The following CPXCR1 variants were observed in gnomAD, a reference collection of about 807,000 sequenced individuals.
The protein encoded by CPXCR1 is CPX chromosomal region candidate gene 1 protein.
In CPXCR1, 15 loss-of-function variants were observed where a neutral mutation model predicts 13.8. The observed-to-expected ratio is 1.09, with a 90% confidence interval of 0.73 to 1.67. The LOEUF (loss-of-function observed/expected upper bound fraction) is 1.67. Ranked by LOEUF, CPXCR1 falls within the 40% of genes most tolerant of loss-of-function variation. The pLI, the probability that CPXCR1 is intolerant of heterozygous loss-of-function variation, is 0.00. For synonymous variants in CPXCR1, 70 were observed against 76.7 expected (o/e 0.91, Z 0.46); for missense variants, 247 against 223.6 (o/e 1.10, Z -0.67).
chrX:88,748,971 C>A (rs1924848136), intron 1 of CPXCR1, among the ~76,000 whole-genome samples: 2 of 106,545 alleles, frequency 1.9e-5, no homozygotes, highest in Admixed American at 2.1e-4. Flanking sequence ...GGTACATGTG[C>A]ACAACATAAA....
chrX:88,753,951 A>G lies in CPXCR1; in HGVS notation c.537A>G (p.Ala179=), dbSNP rs1239105646. The change falls in exon 3 of 3, where the codon GCA becomes GCG. Residue 179 remains alanine, a synonymous_variant. Coordinates refer to ENST00000276127, the MANE Select transcript of CPXCR1 (RefSeq NM_033048.6). ...TGTGGGTAAAGCGAAAATATATAGC[A>G]TGTCTTTACCATCCAAATAGTTTCA... ...NTMWVKRKYI[A]CLYHPNSFTH... 3 of 1,210,400 alleles carry G rather than the reference A, an allele frequency of 2.5e-6. No individual in the cohort carries two copies. The highest frequency in any genetic ancestry group is 3.4e-6 in the Non-Finnish European group (3 of 894,566).
In CPXCR1 at chrX:88,753,666, T is replaced by C; in HGVS notation, c.252T>C (p.Asp84=). ...TCCAAAAAGATCAACGAGAAGAAGA[T>C]CTAAAAGAAGAGCTTCTTCTACTTC... ...TEIQKDQREE[D]LKEELLLLQT... Residue 84 remains aspartate, a synonymous_variant, in exon 3 of 3, where the codon GAT becomes GAC. Transcript: ENST00000276127. The C allele has an allele frequency of 8.3e-7, 1 of 1,209,485 alleles. No homozygotes were observed. Among genetic ancestry groups the C allele is most frequent in the Admixed American group, 2.2e-5 (1 of 45,678 alleles).
In CPXCR1 at chrX:88,754,052, C is replaced by T. The variant is rs1925008071; in HGVS notation, c.638C>T (p.Thr213Ile). The T allele has an allele frequency of 8.3e-7, 1 of 1,209,010 alleles. No individual in the cohort carries two copies. Among genetic ancestry groups the T allele is most frequent in the African/African-American group, 1.8e-5 (1 of 57,012 alleles). The change falls in exon 3 of 3, where the codon ACA (threonine) becomes ATA (isoleucine). Residue 213 changes from threonine to isoleucine, a missense_variant. Physicochemically the swap from Thr to Ile is moderately conservative, Grantham distance 89. Coordinates refer to ENST00000276127, the MANE Select transcript of CPXCR1 (RefSeq NM_033048.6). The part of the protein sequence containing the change: ...HYYRPLTERM[T>I]SGKFCKSTDT... Reference sequence around the variant, plus strand: ...TACCGTCCCCTCACTGAGAGAATGACATCAGGAAAATTTTGCAAATCAACT... The same window carrying T: ...TACCGTCCCCTCACTGAGAGAATGATATCAGGAAAATTTTGCAAATCAACT...
In CPXCR1 at chrX:88,749,744, A is replaced by G. The variant is rs192238030; in HGVS notation, c.-9+321A>G. Among the ~76,000 whole-genome samples, 17 of 110,146 alleles carry G rather than the reference A, an allele frequency of 1.5e-4. No individual in the cohort carries two copies. The East Asian group carries it at 4.8e-3, about 31-fold the overall frequency. On this transcript the variant is annotated intron_variant, in intron 2 of 2. Coordinates refer to ENST00000276127, the MANE Select transcript of CPXCR1 (RefSeq NM_033048.6). The stretch of plus-strand genomic sequence containing the variant: ...TAAGTAAAATAAAGATAAATAAAGC[A>G]GGATAAGAAAGTATCACATAGTAAC...
chrX:88,752,649 C>A (rs928803176), intron 2 of CPXCR1, among the ~76,000 whole-genome samples: 5 of 110,070 alleles, frequency 4.5e-5, no homozygotes, highest in African/African-American at 1.3e-4. Context: ...TGGGTTCCAG[C>A]GATTCTCCTG....
At chrX:88,748,487 A>T (rs1268626763) in intron 1 of CPXCR1, among the ~76,000 whole-genome samples, 2 of 110,501 alleles carry the variant, frequency 1.8e-5, no homozygotes, top group Non-Finnish European at 3.8e-5. Context: ...AAAAAAAAAG[A>T]TTAAATAAGA....
rs777484762 is a variant in CPXCR1, at chrX:88,753,530, A to T, written c.116A>T (p.Asn39Ile). 5.0e-6 allele frequency: 6 copies of T among 1,208,256 alleles called. No individual in the cohort carries two copies. The highest frequency in any genetic ancestry group is 6.7e-6 in the Non-Finnish European group (6 of 893,490). ...ATAGAGTCTCCATCTGCTGATCCCA[A>T]TATGATCTATCAGGTAGAAACCAAC... Reference protein sequence around the residue: ...TDIESPSADPNMIYQVETNPI... With the variant: ...TDIESPSADPIMIYQVETNPI... Residue 39 changes from asparagine (N) to isoleucine (I), a missense_variant, in exon 3 of 3, where the codon AAT becomes ATT. Asn to Ile is a moderately radical substitution (Grantham distance 149, BLOSUM62 -3). Coordinates refer to ENST00000276127, the MANE Select transcript of CPXCR1 (RefSeq NM_033048.6).
chrX:88,753,464 A>C lies in CPXCR1; in HGVS notation c.50A>C (p.Lys17Thr). ...AGTGATACAGCTGGAAATGCTCACA[A>C]AAATTCTGAAAATGAGCCTCCTAAT... ...EGSDTAGNAH[K>T]NSENEPPNDC... Residue 17 changes from lysine to threonine, a missense_variant, in exon 3 of 3, where the codon AAA becomes ACA. Lys to Thr is a moderately conservative substitution (Grantham distance 78). Coordinates refer to ENST00000276127, the MANE Select transcript of CPXCR1 (RefSeq NM_033048.6). 9.5e-6 allele frequency: 11 copies of C among 1,160,895 alleles called. No individual in the cohort carries two copies. Among genetic ancestry groups the C allele is most frequent in the Non-Finnish European group, 1.3e-5 (11 of 870,269 alleles).
At chrX:88,749,962 TAAGGA>T (rs1299918196) in intron 2 of CPXCR1, among the ~76,000 whole-genome samples, 6 of 109,608 alleles carry the variant, frequency 5.5e-5, no homozygotes, top group Non-Finnish European at 9.5e-5. Context: ...CTTATCAGCT[TAAGGA>T]GATTTTGAGC....
At chrX:88,752,898 G>C (rs982282311) in intron 2 of CPXCR1, among the ~76,000 whole-genome samples, 1 of 110,980 alleles carries the variant, frequency 9.0e-6, no homozygotes, top group Admixed American at 9.7e-5. Flanking sequence ...AAATTACAGG[G>C]GAAGAACGGC....
chrX:88,751,848 G>A (rs146591004), intron 2 of CPXCR1, among the ~76,000 whole-genome samples: 1 of 111,465 alleles, frequency 9.0e-6, no homozygotes, highest in Non-Finnish European at 1.9e-5. Flanking sequence ...TAGGGGAGAT[G>A]GAGTCAGATT....
rs1490086729 is a variant in CPXCR1 at position 88,754,725 on chromosome X, A to G, written c.*405A>G. The G allele has an allele frequency of 1.5e-5, 2 of 129,300 alleles. No individual in the cohort carries two copies. Among genetic ancestry groups the G allele is most frequent in the Non-Finnish European group, 3.5e-5 (2 of 57,546 alleles). 10.7% of individuals were successfully genotyped at this position (129,300 alleles called of 1,213,427 possible). On this transcript the variant is annotated 3_prime_UTR_variant, in exon 3 of 3. Transcript: ENST00000276127. ...ACCAAGTGTTTCCAGAGATTCTGCTACATGTATTATCTGAAATGTTCTCCA... is the reference window on the plus strand; with the variant it reads ...ACCAAGTGTTTCCAGAGATTCTGCTGCATGTATTATCTGAAATGTTCTCCA...
In CPXCR1 at chrX:88,753,685, C is replaced by A. The variant is rs969506606; in HGVS notation, c.271C>A (p.Leu91Ile). The change falls in exon 3 of 3, where the codon CTA becomes ATA. Residue 91 changes from leucine (L) to isoleucine (I), a missense_variant. Physicochemically the swap from Leu to Ile is conservative, Grantham distance 5. Coordinates refer to ENST00000276127, the MANE Select transcript of CPXCR1 (RefSeq NM_033048.6). ...AGAAGATCTAAAAGAAGAGCTTCTT[C>A]TACTTCAGACCCCCATTCCCAGAAA... ...REEDLKEELLLLQTPIPRKLV... is the reference protein window; with the variant it reads ...REEDLKEELLILQTPIPRKLV... 8.3e-7 allele frequency: 1 copy of A among 1,210,390 alleles called. No homozygotes were observed. Among genetic ancestry groups the A allele is most frequent in the Non-Finnish European group, 1.1e-6 (1 of 894,796 alleles).
At chrX:88,752,542 T>TTATA (rs1448473135) in intron 2 of CPXCR1, among the ~76,000 whole-genome samples, 3 of 107,656 alleles carry the variant, frequency 2.8e-5, no homozygotes, top group Non-Finnish European at 3.8e-5. Context: ...ATTTATTTAT[T>TTATA]TATTTATTTA....
At position 88,754,054 on chromosome X, in the gene CPXCR1, T is replaced by C. The variant is rs1925008173; in HGVS notation, c.640T>C (p.Ser214Pro). ...YYRPLTERMT[S>P]GKFCKSTDTK... ...CCGTCCCCTCACTGAGAGAATGACA[T>C]CAGGAAAATTTTGCAAATCAACTGA... Residue 214 changes from serine to proline, a missense_variant, in exon 3 of 3, where the codon TCA becomes CCA. Ser to Pro is a moderately conservative substitution (Grantham distance 74, BLOSUM62 -1). Coordinates refer to ENST00000276127, the MANE Select transcript of CPXCR1 (RefSeq NM_033048.6). 8.3e-7 allele frequency: 1 copy of C among 1,209,104 alleles called. No homozygotes were observed. Among genetic ancestry groups the C allele is most frequent in the African/African-American group, 1.8e-5 (1 of 57,003 alleles).
At chrX:88,747,528 T>C (rs1340388399) in intron 1 of CPXCR1, among the ~76,000 whole-genome samples, 159 bp downstream of exon 1, 6 of 112,453 alleles carry the variant, frequency 5.3e-5, no homozygotes, top group Admixed American at 2.8e-4. Context: ...ATGTTTGATA[T>C]GAACATATGC....
chrX:88,747,362 G>A lies in CPXCR1; in HGVS notation c.-122G>A, dbSNP rs1924802478. 1 of 112,175 alleles carries A rather than the reference G, an allele frequency of 8.9e-6. No individual in the cohort carries two copies. The highest frequency in any genetic ancestry group is 9.4e-5 in the Admixed American group (1 of 10,590). The allele number at this position is 112,175 out of a possible 1,213,427, so 9.2% of individuals were successfully genotyped here. ...TTGAAAGTGAAAGAGAAAGCATAAG[G>A]GATCTTAGTAAGTGCTTCTTAGCTT... On this transcript the variant is annotated 5_prime_UTR_variant, in exon 1 of 3. Transcript: ENST00000276127.
Position 88,753,682 on chromosome X carries a change from C to T in CPXCR1, c.268C>T (p.Leu90Phe), listed in dbSNP as rs746132775. Reference sequence around the variant, plus strand: ...AGAAGAAGATCTAAAAGAAGAGCTTCTTCTACTTCAGACCCCCATTCCCAG... The same window carrying T: ...AGAAGAAGATCTAAAAGAAGAGCTTTTTCTACTTCAGACCCCCATTCCCAG... Reference protein sequence around the residue: ...QREEDLKEELLLLQTPIPRKL... With the variant: ...QREEDLKEELFLLQTPIPRKL... Residue 90 changes from leucine to phenylalanine, a missense_variant, in exon 3 of 3, where the codon CTT becomes TTT. By Grantham distance (22) the Leu-to-Phe change is conservative. Coordinates refer to ENST00000276127, the MANE Select transcript of CPXCR1 (RefSeq NM_033048.6). 1 of 1,208,194 alleles carries T rather than the reference C, an allele frequency of 8.3e-7. No individual in the cohort carries two copies. The highest frequency in any genetic ancestry group is 1.8e-5 in the African/African-American group (1 of 56,903).
At chrX:88,752,540 A>C (rs1387858445) in intron 2 of CPXCR1, among the ~76,000 whole-genome samples, 1 of 105,802 alleles carries the variant, frequency 9.5e-6, no homozygotes, top group African/African-American at 3.4e-5. Context: ...TTATTTATTT[A>C]TTTATTTATT....
Sources: allele counts gnomAD v4.1 joint callset (sites outside exome capture counted in the v4.1 genomes callset), GRCh38; gene constraint gnomAD v4.1.1; transcripts MANE v1.5; gene names NCBI Gene and HGNC (gene_info 2026-07-23, HGNC 2026-07-21).